TBCD: variants seen among roughly 807,000 people sequenced by gnomAD.
The protein encoded by TBCD is tubulin-specific chaperone D.
TBCD carries 105 observed loss-of-function variants against 169.3 expected under a neutral mutation model. The ratio of observed to expected loss-of-function variants is 0.62; its 90% CI spans 0.53 to 0.73. The LOEUF (loss-of-function observed/expected upper bound fraction) is 0.73, where lower values mean the gene tolerates loss of function less well. Ranked by LOEUF, TBCD falls within the 30% of genes least tolerant of loss-of-function variation. TBCD has a pLI of 0.00. For synonymous variants in TBCD, 700 were observed against 643.9 expected (o/e 1.09, Z -1.32); for missense variants, 1,444 against 1,600.1 (o/e 0.90, Z 1.66).
In TBCD at chr17:82,926,407, C is replaced by T. The variant is rs1334730678; in HGVS notation, c.2387C>T (p.Thr796Ile). 17 of 1,613,834 alleles carry T rather than the reference C, an allele frequency of 1.1e-5. No homozygotes were observed. The highest frequency in any genetic ancestry group is 2.7e-5 in the African/African-American group (2 of 74,936). Residue 796 changes from threonine to isoleucine, a missense_variant, in exon 28 of 39, where the codon ACA (threonine) becomes ATA (isoleucine). Coordinates refer to ENST00000355528, the MANE Select transcript of TBCD (RefSeq NM_005993.5). ...TTCTTTATTGCTTTCCAGGTTCTCA[C>T]AGGTTTAAGAGCAGTTACCCACACT... ...LLKGRLQQVL[T>I]GLRAVTHTSP...
chr17:82,808,056 C>T (rs2051111669), intron 11 of TBCD, among the ~76,000 whole-genome samples: 1 of 152,178 alleles, frequency 6.6e-6, no homozygotes, highest in South Asian at 2.1e-4. Flanking sequence ...GTGCCAGTCC[C>T]TCATTCACCC....
intron 2 of TBCD, among the ~76,000 whole-genome samples, chr17:82,758,420 T>TAAAA (rs1235412332): frequency 1.2e-5 from 1 of 83,824 alleles, no homozygotes; most frequent in Non-Finnish European, 2.6e-5. Flanking sequence ...AATAAATAAA[T>TAAAA]TTTTTTTTTT....
chr17:82,777,871 C>A (rs959326791), intron 6 of TBCD, among the ~76,000 whole-genome samples: 1 of 148,932 alleles, frequency 6.7e-6, no homozygotes, highest in Non-Finnish European at 1.5e-5. Context: ...TTTCCCGGTC[C>A]GCTAAGTAGC....
intron 33 of TBCD, among the ~76,000 whole-genome samples, chr17:82,931,292 T>G (rs1471502014): frequency 1.3e-5 from 2 of 152,262 alleles, no homozygotes; most frequent in East Asian, 1.9e-4. Context: ...CTTTTCTCGT[T>G]ACGACTATAA....
rs545303277 is a variant in TBCD at position 82,783,737 on chromosome 17, C to T, written c.771+2016C>T. On this transcript the variant is annotated intron_variant, in intron 7 of 38. Transcript: ENST00000355528. ...CGTGTGGGTATTTTCCATATGCCAGCGTGTGGGTATTTTCCATATGCCAGT... is the reference window on the plus strand; with the variant it reads ...CGTGTGGGTATTTTCCATATGCCAGTGTGTGGGTATTTTCCATATGCCAGT... 2.3e-3 allele frequency among the ~76,000 whole-genome samples: 350 copies of T among 152,250 alleles called. 3 individuals carry two copies. Among genetic ancestry groups the T allele is most frequent in the Non-Finnish European group, 4.3e-3 (292 of 68,008 alleles).
In TBCD at chr17:82,889,592, G is replaced by GT; in HGVS notation, c.1534-73dup. 1 of 1,581,182 alleles carries GT rather than the reference G, an allele frequency of 6.3e-7. No individual in the cohort carries two copies. Among genetic ancestry groups the GT allele is most frequent in the Non-Finnish European group, 8.7e-7 (1 of 1,151,656 alleles). On this transcript the variant is annotated intron_variant, in intron 15 of 38. Coordinates refer to ENST00000355528, the MANE Select transcript of TBCD (RefSeq NM_005993.5). This position sits in a 1 kb window ranked among gnomAD's most constrained non-coding sequence, Gnocchi z 5.3. ...AGCCGTGGGTCATTCACGTTGTGCT[G>GT]TTTGTTCTGAACTTGCCTCTGGTGT... is the stretch of plus-strand genomic sequence containing the variant.
rs369813432 is a variant in TBCD, at chr17:82,896,617, C to T, written c.1649+2985C>T. On this transcript the variant is annotated intron_variant, in intron 17 of 38. Transcript: ENST00000355528. ...AGTAGCTGGGACTACAGGCACACGCCACCACGCCCGGCTAATTTTTGTATT... is the reference window on the plus strand; with the variant it reads ...AGTAGCTGGGACTACAGGCACACGCTACCACGCCCGGCTAATTTTTGTATT... Among the ~76,000 whole-genome samples, 129 of 152,174 alleles carry T rather than the reference C, an allele frequency of 8.5e-4. 2 individuals carry two copies. In the East Asian group the frequency reaches 0.019, roughly 23 times the overall value.
At position 82,889,860 on chromosome 17, in the gene TBCD, C is replaced by T. The variant is rs955162401; in HGVS notation, c.1563+163C>T. ...ACTATAGGACGCACATGTTAAACAG[C>T]GAGTCCTGTTTCACAGGGAACCTGC... On this transcript the variant is annotated intron_variant, in intron 16 of 38. Coordinates refer to ENST00000355528, the MANE Select transcript of TBCD (RefSeq NM_005993.5). The surrounding 1 kb of genome is among the most constrained non-coding windows in gnomAD (Gnocchi z 5.3). Among the ~76,000 whole-genome samples the T allele has an allele frequency of 2.0e-5, 3 of 152,238 alleles. No individual in the cohort carries two copies. The highest frequency in any genetic ancestry group is 4.4e-5 in the Non-Finnish European group (3 of 68,046).
intron 13 of TBCD, among the ~76,000 whole-genome samples, chr17:82,839,639 T>C (rs1315148588): frequency 6.6e-6 from 1 of 152,246 alleles, no homozygotes; most frequent in Non-Finnish European, 1.5e-5. Flanking sequence ...TAAGCAATAA[T>C]ATGAATTTGT....
At chr17:82,936,733 T>C (rs2062665583) in intron 34 of TBCD, among the ~76,000 whole-genome samples, 1 of 152,160 alleles carries the variant, frequency 6.6e-6, no homozygotes, top group African/African-American at 2.4e-5. Flanking sequence ...GCGCACCTTC[T>C]CCTCCCTGGA....
At chr17:82,830,217 C>G (rs2053354423) in intron 13 of TBCD, 7 of 1,614,264 alleles carry the variant, frequency 4.3e-6, no homozygotes, top group Non-Finnish European at 5.9e-6. Context: ...TAGCTCCTTG[C>G]TGGGATTTTC....
In TBCD at chr17:82,920,611, C is replaced by T. The variant is rs534298756; in HGVS notation, c.2094C>T (p.Thr698=). 196 of 1,550,310 alleles carry T rather than the reference C, an allele frequency of 1.3e-4. 3 individuals are homozygous for T. In the South Asian group the frequency reaches 2.1e-3, roughly 17 times the overall value. The stretch of plus-strand genomic sequence containing the variant: ...CCAAAATGCCCTTTAGAGGTGACAC[C>T]GTAATTGGTAAGTGCTTTTGTTTTT... ...SLSKMPFRGD[T]VIDGWQWLIN... is the part of the protein sequence containing the mutation. Residue 698 remains threonine, a synonymous_variant, in exon 24 of 39, where the codon ACC becomes ACT. Transcript: ENST00000355528. The surrounding 1 kb of genome is among the most constrained non-coding windows in gnomAD (Gnocchi z 4.1).
intron 37 of TBCD, among the ~76,000 whole-genome samples, chr17:82,940,220 C>T (rs985757849): frequency 4.5e-5 from 4 of 89,222 alleles, no homozygotes; most frequent in East Asian, 3.2e-4. Flanking sequence ...CTTGCACGCG[C>T]GCACACACAC....
intron 1 of TBCD, among the ~76,000 whole-genome samples, chr17:82,754,263 T>C (rs2047286081): frequency 6.6e-6 from 1 of 152,132 alleles, no homozygotes; most frequent in South Asian, 2.1e-4. Flanking sequence ...GTTAGGGGTA[T>C]ACAATCATAG....
chr17:82,855,043 G>A (rs1331257249), intron 13 of TBCD, among the ~76,000 whole-genome samples: 1 of 146,606 alleles, frequency 6.8e-6, no homozygotes, highest in East Asian at 1.9e-4. Flanking sequence ...GCATCTCCCT[G>A]TGGCCTTCCT....
At chr17:82,887,168 T>TGTGTGTGTGTGTGTGTGTGCGCGCGC in intron 15 of TBCD, among the ~76,000 whole-genome samples, 18 of 126,090 alleles carry the variant, frequency 1.4e-4, no homozygotes, top group South Asian at 2.9e-4. Flanking sequence ...TGTGTGTGTG[T>TGTGTGTGTGTGTGTGTGTGCGCGCGC]GCGCGCGCGC....
At chr17:82,827,308 T>A (rs1455980061) in intron 13 of TBCD, among the ~76,000 whole-genome samples, 1 of 152,206 alleles carries the variant, frequency 6.6e-6, no homozygotes, top group Non-Finnish European at 1.5e-5. Flanking sequence ...CTGGAGCAGT[T>A]CCCATCGTAG....
chr17:82,865,559 G>A, intron 13 of TBCD: 1 of 985,414 alleles, frequency 1.0e-6, no homozygotes, highest in Non-Finnish European at 1.2e-6. Flanking sequence ...GCTGCACTGT[G>A]CACAGCCCTC....
At chr17:82,843,618 C>T (rs2054742800) in intron 13 of TBCD, among the ~76,000 whole-genome samples, 1 of 151,312 alleles carries the variant, frequency 6.6e-6, no homozygotes, top group African/African-American at 2.4e-5. Flanking sequence ...CTTACCCTTC[C>T]CTTCCCCTCC....
Sources: allele counts gnomAD v4.1 joint callset (sites outside exome capture counted in the v4.1 genomes callset), GRCh38; gene constraint gnomAD v4.1.1; non-coding constraint Gnocchi (gnomAD v3.1); transcripts MANE v1.5; gene names NCBI Gene and HGNC (gene_info 2026-07-23, HGNC 2026-07-21).